PDSS2: variants seen among roughly 807,000 people sequenced by gnomAD.
The protein encoded by PDSS2 is all trans-polyprenyl-diphosphate synthase PDSS2.
In PDSS2, 31 loss-of-function variants were observed where a neutral mutation model predicts 44.5. The ratio of observed to expected loss-of-function variants is 0.70; its 90% confidence interval spans 0.52 to 0.94. The LOEUF (loss-of-function observed/expected upper bound fraction) is 0.94. Among genes scored for constraint, PDSS2 ranks in the 40% least tolerant of loss-of-function variants. The pLI, the probability that PDSS2 is intolerant of heterozygous loss-of-function variation, is 0.00. For missense variants in PDSS2, 452 were observed against 482.2 expected (o/e 0.94, Z 0.59); for synonymous variants, 157 against 180.3 (o/e 0.87, Z 1.03).
intron 4 of PDSS2, among the ~76,000 whole-genome samples, chr6:107,232,375 C>G (rs1330799224): frequency 6.6e-6 from 1 of 152,214 alleles, no homozygotes; most frequent in East Asian, 1.9e-4. Context: ...GGCCTTCTTT[C>G]TATTCCTTGG....
intron 1 of PDSS2, among the ~76,000 whole-genome samples, chr6:107,335,789 A>C (rs1313055447): frequency 1.3e-5 from 2 of 152,182 alleles, no homozygotes; most frequent in Non-Finnish European, 2.9e-5. Context: ...CACTAATCAA[A>C]TAGATTACAG....
intron 1 of PDSS2, among the ~76,000 whole-genome samples, chr6:107,447,163 C>G (rs1781711940): frequency 6.6e-6 from 1 of 151,990 alleles, no homozygotes; most frequent in Admixed American, 6.6e-5. Flanking sequence ...GAAACCCCAT[C>G]TCTATTAAAA....
chr6:107,345,574 GC>G (rs1442918124), intron 1 of PDSS2, among the ~76,000 whole-genome samples: 1 of 151,580 alleles, frequency 6.6e-6, no homozygotes, highest in Non-Finnish European at 1.5e-5. Flanking sequence ...GATGGATGAA[GC>G]CAGTAAAAAT....
At chr6:107,237,906 A>G (rs2114766494) in intron 4 of PDSS2, among the ~76,000 whole-genome samples, 1 of 151,930 alleles carries the variant, frequency 6.6e-6, no homozygotes, top group African/African-American at 2.4e-5. Context: ...TGAAAAAAAA[A>G]AAAAAAAAAG....
At chr6:107,419,107 G>C (rs970174643) in intron 1 of PDSS2, among the ~76,000 whole-genome samples, 6 of 151,528 alleles carry the variant, frequency 4.0e-5, no homozygotes. Context: ...TGATTTTTGT[G>C]AGGCTCAAAT....
chr6:107,307,666 C>T (rs890820061), intron 2 of PDSS2, among the ~76,000 whole-genome samples: 4 of 152,136 alleles, frequency 2.6e-5, no homozygotes, highest in South Asian at 2.1e-4. Flanking sequence ...TTACCTTTCA[C>T]GTCTTTATAT....
chr6:107,317,038 C>T (rs1777223955), intron 2 of PDSS2, among the ~76,000 whole-genome samples: 1 of 152,198 alleles, frequency 6.6e-6, no homozygotes, highest in Non-Finnish European at 1.5e-5. Flanking sequence ...CTGGTCACTA[C>T]TGCTCTACGT....
chr6:107,231,592 T>TA (rs1285717443), intron 4 of PDSS2, among the ~76,000 whole-genome samples: 2 of 152,216 alleles, frequency 1.3e-5, no homozygotes, highest in Non-Finnish European at 2.9e-5. Flanking sequence ...TCTTACTGTA[T>TA]AAGACCCTAT....
intron 4 of PDSS2, among the ~76,000 whole-genome samples, chr6:107,224,061 G>T (rs1009191806): frequency 1.3e-5 from 2 of 151,324 alleles, no homozygotes; most frequent in Non-Finnish European, 2.9e-5. Context: ...CATAATGCCT[G>T]ATGATACGAA....
At chr6:107,336,889 T>A (rs889550623) in intron 1 of PDSS2, among the ~76,000 whole-genome samples, 1 of 123,496 alleles carries the variant, frequency 8.1e-6, no homozygotes, top group Non-Finnish European at 1.6e-5. Context: ...TGTTCGGGGC[T>A]GGGCCTGGTC....
At chr6:107,163,587 G>T (rs1218387365) in intron 7 of PDSS2, among the ~76,000 whole-genome samples, 2 of 151,724 alleles carry the variant, frequency 1.3e-5, no homozygotes, top group African/African-American at 4.8e-5. Flanking sequence ...ATCTTGAAAA[G>T]AATGATCTTG....
At chr6:107,338,573 G>A (rs554520098) in intron 1 of PDSS2, among the ~76,000 whole-genome samples, 7 of 152,284 alleles carry the variant, frequency 4.6e-5, no homozygotes, top group African/African-American at 1.7e-4. Context: ...GATGAATAAG[G>A]GTTGTGGCAG....
intron 7 of PDSS2, among the ~76,000 whole-genome samples, chr6:107,193,437 T>C (rs917966643): frequency 2.0e-5 from 3 of 152,226 alleles, no homozygotes; most frequent in Non-Finnish European, 2.9e-5. Flanking sequence ...CCACACCCCA[T>C]AGCATCTTTC....
Position 107,274,187 on chromosome 6 carries a change from C to T in PDSS2, c.472G>A (p.Ala158Thr). ...LAEITELIHIALLVHRGIVNL... is the reference protein window; with the variant it reads ...LAEITELIHITLLVHRGIVNL... ...ACTATCCCACGATGTACAAGGAGAG[C>T]AATATGAATTAGCTCCGTGATCTCT... Residue 158 changes from alanine (A) to threonine (T), a missense_variant, in exon 3 of 8, where the codon GCT (alanine) becomes ACT (threonine). Transcript: ENST00000369037. 1.2e-6 allele frequency: 2 copies of T among 1,613,978 alleles called. No homozygotes were observed. The highest frequency in any genetic ancestry group is 1.7e-6 in the Non-Finnish European group (2 of 1,179,848).
chr6:107,153,323 A>G lies in PDSS2; in HGVS notation c.*1296T>C, dbSNP rs1770772459. 1 of 152,592 alleles carries G rather than the reference A, an allele frequency of 6.6e-6. No homozygotes were observed. Among genetic ancestry groups the G allele is most frequent in the South Asian group, 2.1e-4 (1 of 4,832 alleles). The allele number at this position is 152,592 out of a possible 1,614,324, so 9.5% of individuals were successfully genotyped here. ...TGCATGAGTGCAAACCTCAAAAATC[A>G]TCTCCTATGAACCACACAGAGACAG... On this transcript the variant is annotated 3_prime_UTR_variant, in exon 8 of 8. Coordinates refer to ENST00000369037, the MANE Select transcript of PDSS2 (RefSeq NM_020381.4).
chr6:107,368,991 T>C (rs985788490), intron 1 of PDSS2, among the ~76,000 whole-genome samples: 1 of 151,826 alleles, frequency 6.6e-6, no homozygotes, highest in African/African-American at 2.4e-5. Context: ...TGGAACAGGG[T>C]TTTCAGTACA....
chr6:107,289,696 A>G (rs1776282253), intron 2 of PDSS2, among the ~76,000 whole-genome samples: 1 of 152,188 alleles, frequency 6.6e-6, no homozygotes, highest in African/African-American at 2.4e-5. Flanking sequence ...ACCCTGTCTC[A>G]AAAACAAAAA....
At chr6:107,313,264 C>T (rs1777099858) in intron 2 of PDSS2, among the ~76,000 whole-genome samples, 1 of 152,186 alleles carries the variant, frequency 6.6e-6, no homozygotes, top group South Asian at 2.1e-4. Context: ...ATTACAATTA[C>T]ACATTGACAA....
chr6:107,207,988 T>TG lies in PDSS2; in HGVS notation c.1008+2450_1008+2451insC, dbSNP rs1554253991. ...CTCTGTCTATGACTTGTTTTTTTTT[T>TG]TTTTTTTTTTTTTATGAAACAGAGT... is the stretch of plus-strand genomic sequence containing the variant. On this transcript the variant is annotated intron_variant, in intron 6 of 7. Transcript: ENST00000369037. Among the ~76,000 whole-genome samples, 77 of 143,892 alleles carry TG rather than the reference T, an allele frequency of 5.4e-4. 1 individual carries two copies. The highest frequency in any genetic ancestry group is 2.0e-3 in the East Asian group (10 of 4,894). 94.4% of individuals were successfully genotyped at this position (143,892 alleles called of 152,430 possible).
Sources: allele counts gnomAD v4.1 joint callset (sites outside exome capture counted in the v4.1 genomes callset), GRCh38; gene constraint gnomAD v4.1.1; transcripts MANE v1.5; gene names NCBI Gene and HGNC (gene_info 2026-07-23, HGNC 2026-07-21).